The following TMOD3 variants were observed in gnomAD, a reference collection of about 807,000 sequenced individuals.
The protein encoded by TMOD3 is tropomodulin 3.
TMOD3 carries 20 observed loss-of-function variants against 39.2 expected under a neutral mutation model. The observed-to-expected ratio is 0.51, with a 90% CI of 0.36 to 0.74. The LOEUF (loss-of-function observed/expected upper bound fraction) is 0.74, where lower values mean the gene tolerates loss of function less well. Among genes scored for constraint, TMOD3 ranks in the 30% least tolerant of loss-of-function variants. The pLI, the probability that TMOD3 is intolerant of heterozygous loss-of-function variation, is 0.00. For missense variants in TMOD3, 381 were observed against 412.8 expected, an observed-to-expected ratio of 0.92 and a Z score of 0.67; for synonymous variants, 143 against 145.8, an observed-to-expected ratio of 0.98 and a Z score of 0.14.
At chr15:51,833,340 T>C (rs941605079) in intron 1 of TMOD3, 7 of 152,204 alleles carry the variant, frequency 4.6e-5, no homozygotes, top group African/African-American at 1.7e-4. Context: ...TGAAACAAAA[T>C]TGTTAGTCTG....
intron 9 of TMOD3, among the ~76,000 whole-genome samples, chr15:51,905,973 A>G (rs1438198919): frequency 6.6e-6 from 1 of 150,608 alleles, no homozygotes; most frequent in Non-Finnish European, 1.5e-5. Flanking sequence ...AAAAAAAAAA[A>G]AAAAAAAGAA....
At chr15:51,889,967 T>G (rs1275210087) in intron 5 of TMOD3, among the ~76,000 whole-genome samples, 1 of 152,264 alleles carries the variant, frequency 6.6e-6, no homozygotes, top group Non-Finnish European at 1.5e-5. Flanking sequence ...GAGGTAAAAG[T>G]GTCTCTGTCT....
intron 5 of TMOD3, among the ~76,000 whole-genome samples, chr15:51,893,058 G>T (rs2056601859): frequency 6.6e-6 from 1 of 151,908 alleles, no homozygotes; most frequent in Non-Finnish European, 1.5e-5. Flanking sequence ...CACTTTGGGA[G>T]GCCAAGGCAG....
intron 3 of TMOD3, among the ~76,000 whole-genome samples, chr15:51,877,894 T>G (rs981373614): frequency 1.3e-5 from 2 of 151,050 alleles, no homozygotes; most frequent in African/African-American, 4.9e-5. Flanking sequence ...TTTCAGAAGT[T>G]TTTTTTTTTC....
At chr15:51,903,404 A>G (rs1000436345) in intron 9 of TMOD3, among the ~76,000 whole-genome samples, 13 of 152,254 alleles carry the variant, frequency 8.5e-5, no homozygotes, top group African/African-American at 3.1e-4. Flanking sequence ...AAAAGGAGTG[A>G]CATTTCAACG....
intron 1 of TMOD3, among the ~76,000 whole-genome samples, chr15:51,837,464 C>G (rs1405417853): frequency 6.6e-6 from 1 of 150,448 alleles, no homozygotes; most frequent in Non-Finnish European, 1.5e-5. Flanking sequence ...CACTTGAGTG[C>G]TAGACCAGCT....
At chr15:51,908,721 C>A in intron 9 of TMOD3, 55 bp from the exon 10 acceptor site, 2 of 1,435,430 alleles carry the variant, frequency 1.4e-6, no homozygotes, top group Non-Finnish European at 1.9e-6. Flanking sequence ...AAGCAAGTTA[C>A]CATTGTAAAA....
At chr15:51,886,689 AGAGAGAGGGAGAGGGAGACCGTG>A (rs1211011415) in intron 3 of TMOD3, among the ~76,000 whole-genome samples, 74 of 150,878 alleles carry the variant, frequency 4.9e-4, no homozygotes, top group African/African-American at 1.6e-3. Context: ...AGACCTTGGG[AGAGAGAGGGAGAGGGAGACCGTG>A]GAGAGAGGGA....
chr15:51,873,921 G>A (rs925574843), intron 3 of TMOD3, among the ~76,000 whole-genome samples: 5 of 151,994 alleles, frequency 3.3e-5, no homozygotes, highest in African/African-American at 1.2e-4. Flanking sequence ...GCACCTGGCC[G>A]ACTGCTTAAT....
chr15:51,859,864 G>T (rs2056408117), intron 1 of TMOD3: 1 of 530,384 alleles, frequency 1.9e-6, no homozygotes, highest in Non-Finnish European at 3.8e-6. Flanking sequence ...TCAACTGCTT[G>T]TATTGGAATT....
chr15:51,839,618 C>T (rs1156750984), intron 1 of TMOD3, among the ~76,000 whole-genome samples: 1 of 151,946 alleles, frequency 6.6e-6, no homozygotes, highest in East Asian at 1.9e-4. Context: ...GTGATCATAG[C>T]TCACTGCAGC....
intron 9 of TMOD3, among the ~76,000 whole-genome samples, chr15:51,905,638 CA>C (rs1430077925): frequency 2.6e-5 from 4 of 152,164 alleles, no homozygotes; most frequent in Non-Finnish European, 1.5e-5. Context: ...TAAGATACTT[CA>C]AAAACAAAAA....
chr15:51,839,915 G>C (rs560386371), intron 1 of TMOD3, among the ~76,000 whole-genome samples: 3 of 152,168 alleles, frequency 2.0e-5, no homozygotes, highest in African/African-American at 7.2e-5. Flanking sequence ...TACTGACTCC[G>C]CTCCCAGCCC....
intron 1 of TMOD3, chr15:51,860,591 G>A (rs568395508): frequency 3.6e-6 from 2 of 557,622 alleles, no homozygotes; most frequent in South Asian, 2.8e-5. Flanking sequence ...TGGCCAACAT[G>A]GCAGAGAATA....
chr15:51,870,856 C>T (rs916615584), intron 3 of TMOD3, among the ~76,000 whole-genome samples: 2 of 152,108 alleles, frequency 1.3e-5, no homozygotes, highest in African/African-American at 4.8e-5. Context: ...ATCTAGCAGC[C>T]TGGAGACCCA....
chr15:51,894,932 A>C (rs938477544), intron 6 of TMOD3, among the ~76,000 whole-genome samples: 2 of 152,190 alleles, frequency 1.3e-5, no homozygotes, highest in Admixed American at 6.5e-5. Flanking sequence ...AAACAATGCA[A>C]CTCTTCCTTG....
At chr15:51,901,602 T>C in intron 8 of TMOD3, 1 of 364,164 alleles carries the variant, frequency 2.7e-6, no homozygotes, top group African/African-American at 2.1e-5. Flanking sequence ...TGTGTGTGTG[T>C]GTGTGTGTGT....
chr15:51,838,495 T>G (rs2056297500), intron 1 of TMOD3, among the ~76,000 whole-genome samples: 1 of 152,110 alleles, frequency 6.6e-6, no homozygotes, highest in South Asian at 2.1e-4. Context: ...CTGAGGTCCG[T>G]GAAATGACCT....
At chr15:51,903,453 C>G (rs2593183) in intron 9 of TMOD3, among the ~76,000 whole-genome samples, 66,678 of 151,984 alleles carry the variant, frequency 0.44, 14,865 homozygotes, top group Admixed American at 0.52. Flanking sequence ...ATTTGAGTTC[C>G]CATTCTGTAA....
Sources: gnomAD v4.1 joint callset for allele counts (sites outside exome capture counted in the v4.1 genomes callset) on GRCh38, gnomAD v4.1.1 for gene constraint, MANE v1.5 for transcripts, NCBI Gene and HGNC (gene_info 2026-07-23, HGNC 2026-07-21) for gene names.